Variants in MED12L observed in about 807,000 individuals in gnomAD.
MED12L encodes the protein mediator complex subunit 12L.
Under a neutral mutation model 281.3 loss-of-function variants are expected in MED12L, and 60 were observed. The ratio of observed to expected loss-of-function variants is 0.21; its 90% confidence interval spans 0.17 to 0.26. The LOEUF is 0.26. MED12L is among the 10% of genes least tolerant of loss of function. MED12L has a pLI of 1.00. For missense variants in MED12L, 2,146 were observed against 2,680.9 expected (o/e 0.80, Z 4.41); for synonymous variants, 974 against 987.2 (o/e 0.99, Z 0.25).
At chr3:151,230,892 C>A (rs1731540175) in intron 16 of MED12L, among the ~76,000 whole-genome samples, 1 of 152,106 alleles carries the variant, frequency 6.6e-6, no homozygotes, top group African/African-American at 2.4e-5. Flanking sequence ...TGAAAGGAAA[C>A]AGGGCTCCTT....
intron 39 of MED12L, among the ~76,000 whole-genome samples, chr3:151,399,954 G>T (rs1715460722): frequency 6.6e-6 from 1 of 152,078 alleles, no homozygotes; most frequent in Non-Finnish European, 1.5e-5. Flanking sequence ...AGCCTCCCGA[G>T]TAGCTGGGAC....
At chr3:151,219,139 A>G (rs764065775) in intron 16 of MED12L, among the ~76,000 whole-genome samples, 31 of 152,184 alleles carry the variant, frequency 2.0e-4, no homozygotes, top group Non-Finnish European at 3.5e-4. Flanking sequence ...GTCAATGCCA[A>G]AGATTCAATC....
intron 16 of MED12L, chr3:151,336,494 G>A (rs1751010277): frequency 2.2e-6 from 1 of 456,086 alleles, no homozygotes; most frequent in Non-Finnish European, 4.4e-6. Flanking sequence ...ATTTCTTCTG[G>A]CATTATATTT....
chr3:151,131,497 C>T (rs1220184891), intron 5 of MED12L, among the ~76,000 whole-genome samples: 1 of 152,056 alleles, frequency 6.6e-6, no homozygotes, highest in Non-Finnish European at 1.5e-5. Context: ...TTCCCAGCTA[C>T]TCAGGAGGCT....
intron 5 of MED12L, among the ~76,000 whole-genome samples, chr3:151,139,147 G>C (rs952200960): frequency 6.6e-6 from 1 of 152,082 alleles, no homozygotes; most frequent in African/African-American, 2.4e-5. Context: ...AGCTCTTTCA[G>C]CTGTGTCCTG....
intron 16 of MED12L, among the ~76,000 whole-genome samples, chr3:151,233,729 G>A (rs929799434): frequency 5.3e-5 from 8 of 152,184 alleles, no homozygotes; most frequent in Non-Finnish European, 7.3e-5. Flanking sequence ...GTGAAACTCC[G>A]TCTCAAAAAA....
Position 151,188,197 on chromosome 3 carries a change from CA to C in MED12L, c.1627-156del, listed in dbSNP as rs1723519219. On this transcript the variant is annotated intron_variant, in intron 12 of 44. Transcript: ENST00000687756. ...AGTACTTGGATGGAGAAATTATATTCACCTGAGGTGCATGGTCCCTTAAATA... is the reference window on the plus strand; with the variant it reads ...AGTACTTGGATGGAGAAATTATATTCCCTGAGGTGCATGGTCCCTTAAATA... 4 of 509,254 alleles carry C rather than the reference CA, an allele frequency of 7.9e-6. No homozygotes were observed. In the South Asian group the frequency reaches 9.7e-5, roughly 12 times the overall value. 31.5% of individuals were successfully genotyped at this position (509,254 alleles called of 1,614,324 possible).
Position 151,098,728 on chromosome 3 carries a change from A to ACCT in MED12L, c.99+11704_99+11705insCTC, listed in dbSNP as rs750329301. On this transcript the variant is annotated intron_variant, in intron 2 of 44. Coordinates refer to ENST00000687756, the MANE Select transcript of MED12L (RefSeq NM_001393769.1). The stretch of plus-strand genomic sequence containing the variant: ...CCTTTTTCCAAATGAGGTCACATTA[A>ACCT]CAGGTTGTGGGATTTGATGTGAATA... Among the ~76,000 whole-genome samples, 809 of 152,264 alleles carry ACCT rather than the reference A, an allele frequency of 5.3e-3. 14 individuals carry two copies. The highest frequency in any genetic ancestry group is 0.044 in the South Asian group (211 of 4,818).
chr3:151,367,255 G>C (rs1755399447), intron 23 of MED12L, among the ~76,000 whole-genome samples: 1 of 152,156 alleles, frequency 6.6e-6, no homozygotes, highest in African/African-American at 2.4e-5. Flanking sequence ...TTTTCAACTA[G>C]GGGGAGCCTC....
chr3:151,375,664 A>C (rs965109323), intron 27 of MED12L, among the ~76,000 whole-genome samples: 1 of 152,178 alleles, frequency 6.6e-6, no homozygotes, highest in Non-Finnish European at 1.5e-5. Context: ...TTCCATAAAA[A>C]TTATGAAGAA....
intron 16 of MED12L, among the ~76,000 whole-genome samples, chr3:151,247,010 C>T (rs1282232185): frequency 2.0e-5 from 3 of 152,082 alleles, no homozygotes; most frequent in African/African-American, 7.2e-5. Context: ...CCAAAAAACA[C>T]ATGAAAAAAT....
At chr3:151,275,508 C>G (rs917898422) in intron 16 of MED12L, among the ~76,000 whole-genome samples, 2 of 152,096 alleles carry the variant, frequency 1.3e-5, no homozygotes, top group Non-Finnish European at 2.9e-5. Context: ...TCAAAGGAAT[C>G]TAATCAGATC....
intron 11 of MED12L, among the ~76,000 whole-genome samples, chr3:151,174,105 A>G (rs1576889343): frequency 6.6e-6 from 1 of 152,338 alleles, no homozygotes; most frequent in East Asian, 1.9e-4. Context: ...CCCAGTTTGA[A>G]AATCTGAAGT....
chr3:151,289,881 A>G (rs529209863), intron 16 of MED12L, among the ~76,000 whole-genome samples: 8 of 145,234 alleles, frequency 5.5e-5, no homozygotes, highest in African/African-American at 1.8e-4. Context: ...CTCGAACACA[A>G]TTTTTTTTTT....
chr3:151,166,544 GC>G (rs1720750017), intron 11 of MED12L, among the ~76,000 whole-genome samples: 1 of 152,102 alleles, frequency 6.6e-6, no homozygotes, highest in African/African-American at 2.4e-5. Flanking sequence ...TAAGGAATTG[GC>G]TCACATGATT....
chr3:151,133,947 G>A (rs1392122031), intron 5 of MED12L, among the ~76,000 whole-genome samples: 3 of 152,156 alleles, frequency 2.0e-5, no homozygotes, highest in Non-Finnish European at 4.4e-5. Context: ...TTCCCCATGA[G>A]GAGTCTTATT....
intron 11 of MED12L, 66 bp from the exon 12 acceptor site, chr3:151,185,264 T>A: frequency 6.5e-7 from 1 of 1,540,998 alleles, no homozygotes; most frequent in Non-Finnish European, 8.9e-7. Context: ...CCTTGCTTGC[T>A]TCCTGCCTCT....
intron 2 of MED12L, among the ~76,000 whole-genome samples, chr3:151,104,249 A>T (rs1014442469): frequency 6.6e-6 from 1 of 152,094 alleles, no homozygotes; most frequent in African/African-American, 2.4e-5. Flanking sequence ...GGGGCAGGAG[A>T]AGGACAAGGT....
chr3:151,213,493 T>G (rs759104990), intron 16 of MED12L: 2 of 1,614,168 alleles, frequency 1.2e-6, no homozygotes, highest in Admixed American at 3.3e-5. Context: ...TTCTTTCATA[T>G]ACCGCAAGAT....
Sources: gnomAD v4.1 joint callset for allele counts (sites outside exome capture counted in the v4.1 genomes callset) on GRCh38, gnomAD v4.1.1 for gene constraint, MANE v1.5 for transcripts, NCBI Gene and HGNC (gene_info 2026-07-23, HGNC 2026-07-21) for gene names.